The following HIVEP3 variants were observed in gnomAD, a reference collection of about 807,000 sequenced individuals.
HIVEP3 encodes the protein transcription factor HIVEP3.
A neutral mutation model predicts 152.8 loss-of-function variants in HIVEP3; 49 were observed. The observed-to-expected ratio is 0.32, with a 90% CI of 0.26 to 0.41. The LOEUF is 0.41. HIVEP3 is among the 10% of genes least tolerant of loss of function. The pLI, the probability that HIVEP3 is intolerant of heterozygous loss-of-function variation, is 1.00. For synonymous variants in HIVEP3, 1,269 were observed against 1,289.0 expected (o/e 0.98, Z 0.33); for missense variants, 2,790 against 3,103.3 (o/e 0.90, Z 2.40).
At chr1:41,738,718 G>T (rs1646953337) in intron 1 of HIVEP3, among the ~76,000 whole-genome samples, 1 of 152,138 alleles carries the variant, frequency 6.6e-6, no homozygotes, top group African/African-American at 2.4e-5. Flanking sequence ...GTTTTGGCTT[G>T]ATCAATTCCT....
At chr1:42,012,676 C>T (rs1042192222) in intron 1 of HIVEP3, among the ~76,000 whole-genome samples, 4 of 144,286 alleles carry the variant, frequency 2.8e-5, no homozygotes, top group South Asian at 5.0e-4. Context: ...GGAGACAGGG[C>T]GAGACTCCCT....
At chr1:41,909,571 C>G (rs2124463342) in intron 1 of HIVEP3, among the ~76,000 whole-genome samples, 1 of 152,064 alleles carries the variant, frequency 6.6e-6, no homozygotes, top group African/African-American at 2.4e-5. Flanking sequence ...ATTGAACAAG[C>G]ATACAAACAT....
chr1:41,821,105 G>GCT (rs1435364647), intron 1 of HIVEP3, among the ~76,000 whole-genome samples: 1 of 152,170 alleles, frequency 6.6e-6, no homozygotes, highest in Admixed American at 6.5e-5. Flanking sequence ...GAGCCGTAAA[G>GCT]CTCTTAGGTG....
chr1:41,547,984 G>A (rs549543453), intron 5 of HIVEP3, among the ~76,000 whole-genome samples: 3 of 151,644 alleles, frequency 2.0e-5, no homozygotes, highest in Non-Finnish European at 4.4e-5. Context: ...TCCAGCCTCC[G>A]ACCTTTGACC....
intron 1 of HIVEP3, among the ~76,000 whole-genome samples, chr1:41,937,311 C>T (rs931389816): frequency 2.6e-5 from 4 of 152,140 alleles, no homozygotes; most frequent in African/African-American, 7.2e-5. Context: ...AACTGCTGGG[C>T]ACAACACTTT....
chr1:41,711,223 G>A (rs185851544), intron 1 of HIVEP3, among the ~76,000 whole-genome samples: 277 of 152,370 alleles, frequency 1.8e-3, no homozygotes, highest in Middle Eastern at 6.8e-3. Flanking sequence ...AGAGGGGTGA[G>A]ATTTGACAGG....
intron 2 of HIVEP3, among the ~76,000 whole-genome samples, chr1:41,691,768 A>T (rs898836762): frequency 6.6e-6 from 1 of 152,206 alleles, no homozygotes; most frequent in East Asian, 1.9e-4. Flanking sequence ...GATACAGTTG[A>T]TCCTCTTTAT....
chr1:41,832,489 C>A (rs1437430270), intron 1 of HIVEP3, among the ~76,000 whole-genome samples: 1 of 152,168 alleles, frequency 6.6e-6, no homozygotes, highest in Non-Finnish European at 1.5e-5. Context: ...CAAGATCATG[C>A]CACTGCACTC....
At chr1:41,639,710 G>A (rs897659034) in intron 2 of HIVEP3, among the ~76,000 whole-genome samples, 1 of 152,120 alleles carries the variant, frequency 6.6e-6, no homozygotes, top group African/African-American at 2.4e-5. Context: ...TTGTTTCAGC[G>A]GAGTGCGCTC....
chr1:41,902,502 T>A (rs533930683), intron 1 of HIVEP3, among the ~76,000 whole-genome samples: 1 of 152,306 alleles, frequency 6.6e-6, no homozygotes, highest in South Asian at 2.1e-4. Flanking sequence ...TGACCTTTCA[T>A]ATTCCCACCC....
At position 42,002,907 on chromosome 1, in the gene HIVEP3, G is replaced by C. The variant is rs548489303; in HGVS notation, n.119+32900C>G. On this transcript the variant is annotated intron_variant and non_coding_transcript_variant, in intron 1 of 3. Transcript: ENST00000489103. The stretch of plus-strand genomic sequence containing the variant: ...GGCATTTTACCCGCACATGGTAGCT[G>C]GACAGTAAGGACAAGAAATACATTT... Among the ~76,000 whole-genome samples the C allele has an allele frequency of 1.3e-4, 20 of 152,194 alleles. No individual in the cohort carries two copies. In the South Asian group the frequency reaches 3.9e-3, roughly 30 times the overall value.
chr1:41,617,018 G>A (rs915281827), intron 3 of HIVEP3, among the ~76,000 whole-genome samples: 7 of 152,134 alleles, frequency 4.6e-5, no homozygotes, highest in South Asian at 2.1e-4. Flanking sequence ...GGTGGGATCC[G>A]GATTTGAACC....
intron 1 of HIVEP3, among the ~76,000 whole-genome samples, chr1:41,998,882 T>C (rs1645410165): frequency 2.7e-5 from 2 of 74,794 alleles, no homozygotes; most frequent in Non-Finnish European, 5.3e-5. Context: ...AATACTTTTC[T>C]CTCTCTCTTT....
chr1:41,866,986 C>A (rs757714411), intron 1 of HIVEP3, among the ~76,000 whole-genome samples: 1 of 152,234 alleles, frequency 6.6e-6, no homozygotes, highest in Non-Finnish European at 1.5e-5. Context: ...ACAGGCAAAA[C>A]AGACATCTTT....
chr1:41,939,625 A>G (rs1263468136), intron 1 of HIVEP3, among the ~76,000 whole-genome samples: 1 of 152,224 alleles, frequency 6.6e-6, no homozygotes, highest in East Asian at 1.9e-4. Flanking sequence ...GATGGTTTCC[A>G]TTAGGGCTTA....
chr1:41,990,623 A>C (rs1384769820), intron 1 of HIVEP3, among the ~76,000 whole-genome samples: 1 of 150,576 alleles, frequency 6.6e-6, no homozygotes, highest in Middle Eastern at 3.2e-3. Context: ...ATACCCAGGA[A>C]TTGAACTCAG....
chr1:41,920,540 T>TA (rs1009830030), upstream of HIVEP3, among the ~76,000 whole-genome samples: 14 of 149,036 alleles, frequency 9.4e-5, no homozygotes, highest in Non-Finnish European at 8.9e-5. Context: ...GTCTTCACAC[T>TA]AAAAAAAAAT....
Position 41,512,915 on chromosome 1 carries a change from A to G in HIVEP3, c.6306T>C (p.His2102=). The change falls in exon 8 of 9, where the codon CAT becomes CAC. Residue 2102 remains histidine (H), a synonymous_variant. Transcript: ENST00000372583. ...AGPGSPSAGE[H]GPGLGLDPRV... Reference sequence around the variant, plus strand: ...GTGGGTCCAGCCCCAAGCCTGGGCCATGCTCCCCCGCTGAGGGGCTGCCCG... The same window carrying G: ...GTGGGTCCAGCCCCAAGCCTGGGCCGTGCTCCCCCGCTGAGGGGCTGCCCG... 6.3e-7 allele frequency: 1 copy of G among 1,589,584 alleles called. No homozygotes were observed. The highest frequency in any genetic ancestry group is 8.6e-7 in the Non-Finnish European group (1 of 1,168,322).
At chr1:42,012,109 G>C (rs1645495885) in intron 1 of HIVEP3, among the ~76,000 whole-genome samples, 1 of 152,140 alleles carries the variant, frequency 6.6e-6, no homozygotes, top group African/African-American at 2.4e-5. Flanking sequence ...ATTTCCTCTG[G>C]TTCCTCCCTG....
Sources: allele counts gnomAD v4.1 joint callset (sites outside exome capture counted in the v4.1 genomes callset), GRCh38; gene constraint gnomAD v4.1.1; transcripts MANE v1.5; gene names NCBI Gene and HGNC (gene_info 2026-07-23, HGNC 2026-07-21).